LPA: variants seen among roughly 807,000 people sequenced by gnomAD.
The protein encoded by LPA is lipoprotein(a).
In LPA, 199 loss-of-function variants were observed where a neutral mutation model predicts 197.9. The ratio of observed to expected loss-of-function variants is 1.01; its 90% CI spans 0.90 to 1.13. The LOEUF (loss-of-function observed/expected upper bound fraction) is 1.13, where lower values mean the gene tolerates loss of function less well. LPA is among the 50% of genes most tolerant of loss of function. The pLI, the probability that LPA is intolerant of heterozygous loss-of-function variation, is 0.00. For synonymous variants in LPA, 715 were observed against 639.5 expected (o/e 1.12, Z -1.78); for missense variants, 1,853 against 1,785.8 (o/e 1.04, Z -0.68).
intron 33 of LPA, among the ~76,000 whole-genome samples, chr6:160,543,032 G>A (rs1481661372): frequency 6.6e-6 from 1 of 152,206 alleles, no homozygotes; most frequent in African/African-American, 2.4e-5. Flanking sequence ...TCTAAACCAT[G>A]TAAAGTTTAC....
chr6:160,634,932 C>A lies in LPA; in HGVS notation c.1075+191G>T, dbSNP rs1355874497. Among the ~76,000 whole-genome samples, 3 of 150,184 alleles carry A rather than the reference C, an allele frequency of 2.0e-5. 1 individual carries two copies. The highest frequency in any genetic ancestry group is 7.6e-5 in the African/African-American group (3 of 39,506). ...TTTGTGCCCATTCTAAAGACAAAGC[C>A]CACCCAAGTTGCACCAGAAATCACT... On this transcript the variant is annotated intron_variant, in intron 7 of 38. Transcript: ENST00000316300.
intron 1 of LPA, among the ~76,000 whole-genome samples, chr6:160,650,991 C>T (rs1178474332): frequency 6.6e-6 from 1 of 152,158 alleles, no homozygotes; most frequent in East Asian, 1.9e-4. Context: ...GCAGGCAAAG[C>T]CCTTCACTTC....
chr6:160,615,345 T>A (rs1447412032), intron 14 of LPA, among the ~76,000 whole-genome samples: 1 of 146,984 alleles, frequency 6.8e-6, no homozygotes, highest in Non-Finnish European at 1.5e-5. Context: ...ATGGGTGTGT[T>A]TTCAGTTTGT....
chr6:160,560,801 A>C (rs755304881), intron 28 of LPA, among the ~76,000 whole-genome samples: 1 of 151,942 alleles, frequency 6.6e-6, no homozygotes, highest in Non-Finnish European at 1.5e-5. Context: ...CTGATTTGTA[A>C]ATTTTGGCTT....
At chr6:160,657,082 T>G (rs1047220244) in intron 1 of LPA, among the ~76,000 whole-genome samples, 1 of 152,212 alleles carries the variant, frequency 6.6e-6, no homozygotes, top group Non-Finnish European at 1.5e-5. Flanking sequence ...ATTCCCATTG[T>G]ATTTAAATTT....
chr6:160,654,064 AT>A (rs1780081566), intron 1 of LPA, among the ~76,000 whole-genome samples: 1 of 27,480 alleles, frequency 3.6e-5, no homozygotes, highest in Non-Finnish European at 6.2e-5. Flanking sequence ...TATTATATAT[AT>A]TATATATAAT....
At position 160,574,941 on chromosome 6, in the gene LPA, G is replaced by C. The variant is rs111398110; in HGVS notation, c.4631+2195C>G. 1.1e-3 allele frequency among the ~76,000 whole-genome samples: 167 copies of C among 151,942 alleles called. 1 individual carries two copies. The highest frequency in any genetic ancestry group is 3.7e-3 in the African/African-American group (152 of 41,436). ...GTCTGCCACGATCCCTCACCTCTTGGGTTTTTCTTCTATTACTTTAAAGAT... is the reference window on the plus strand; with the variant it reads ...GTCTGCCACGATCCCTCACCTCTTGCGTTTTTCTTCTATTACTTTAAAGAT... On this transcript the variant is annotated intron_variant, in intron 28 of 38. Transcript: ENST00000316300.
intron 30 of LPA, among the ~76,000 whole-genome samples, chr6:160,551,048 T>TA (rs1356752325): frequency 6.6e-6 from 1 of 152,232 alleles, no homozygotes; most frequent in African/African-American, 2.4e-5. Flanking sequence ...GTGGGGTAAA[T>TA]ATTCACAAAC....
At chr6:160,653,886 A>G (rs1780048982) in intron 1 of LPA, among the ~76,000 whole-genome samples, 1 of 98,328 alleles carries the variant, frequency 1.0e-5, no homozygotes, top group Non-Finnish European at 2.1e-5. Context: ...AATGACATAA[A>G]TTGTATTAGT....
At position 160,605,040 on chromosome 6, in the gene LPA, AC is replaced by A. The variant is rs752170747; in HGVS notation, c.2945+5del. On this transcript the variant is annotated splice_donor_5th_base_variant and intron_variant, in intron 18 of 38. Coordinates refer to ENST00000316300, the MANE Select transcript of LPA (RefSeq NM_005577.4). The stretch of plus-strand genomic sequence containing the variant: ...CCTTCACTTATGGTAAAGAAAATAG[AC>A]ATACGCATTTGGGTAGTATGCTGGG... 6.2e-7 allele frequency: 1 copy of A among 1,613,516 alleles called. No individual in the cohort carries two copies. The highest frequency in any genetic ancestry group is 1.3e-5 in the African/African-American group (1 of 75,016).
intron 30 of LPA, among the ~76,000 whole-genome samples, chr6:160,551,941 T>G (rs1191522362): frequency 1.3e-5 from 2 of 149,886 alleles, no homozygotes; most frequent in African/African-American, 4.9e-5. Context: ...TGAGACAGTG[T>G]CTCATTCCAT....
intron 23 of LPA, among the ~76,000 whole-genome samples, chr6:160,590,450 G>A (rs1201299015): frequency 6.6e-6 from 1 of 152,094 alleles, no homozygotes. Flanking sequence ...GCATTTGCTG[G>A]CTATGTACTG....
chr6:160,562,136 G>T (rs1778372883), intron 28 of LPA, among the ~76,000 whole-genome samples: 1 of 152,160 alleles, frequency 6.6e-6, no homozygotes, highest in Admixed American at 6.6e-5. Flanking sequence ...GGGCATCCTT[G>T]TCTTGTGCTG....
At chr6:160,538,011 C>T in intron 36 of LPA, 50 bp from the exon 37 acceptor site, 1 of 1,514,418 alleles carries the variant, frequency 6.6e-7, no homozygotes, top group Non-Finnish European at 9.2e-7. Context: ...CTGGAAGTGG[C>T]AGTACCTACA....
chr6:160,611,211 T>A (rs183836119), intron 16 of LPA, among the ~76,000 whole-genome samples: 1 of 152,094 alleles, frequency 6.6e-6, no homozygotes, highest in African/African-American at 2.4e-5. Flanking sequence ...CCTTCAGGAA[T>A]TGGAAGTCAG....
intron 17 of LPA, among the ~76,000 whole-genome samples, chr6:160,605,483 A>G (rs6932014): frequency 0.41 from 62,673 of 152,074 alleles, 13,384 homozygotes; most frequent in African/African-American, 0.53. Flanking sequence ...AAAAAGGACA[A>G]ATGAGAGGGC....
chr6:160,546,907 T>C (rs533896132), intron 32 of LPA, among the ~76,000 whole-genome samples: 34 of 152,284 alleles, frequency 2.2e-4, no homozygotes, highest in Middle Eastern at 3.4e-3. Flanking sequence ...GGAAGTCTCA[T>C]GGTGACCTGA....
At position 160,601,249 on chromosome 6, in the gene LPA, C is replaced by A. The variant is rs1170637106; in HGVS notation, c.2946-151G>T. 5.8e-6 allele frequency: 4 copies of A among 692,894 alleles called. No individual in the cohort carries two copies. The South Asian group carries it at 6.7e-5, about 12-fold the overall frequency. 42.9% of individuals were successfully genotyped at this position (692,894 alleles called of 1,614,324 possible). ...GCCACAATGACAAATGGCTCTCAAT[C>A]TCTAATCCTCTCTGCACATTTCTCA... On this transcript the variant is annotated intron_variant, in intron 18 of 38. Coordinates refer to ENST00000316300, the MANE Select transcript of LPA (RefSeq NM_005577.4).
Position 160,546,244 on chromosome 6 carries a change from C to T in LPA, c.5305-711G>A, listed in dbSNP as rs1012591056. 7.2e-5 allele frequency among the ~76,000 whole-genome samples: 11 copies of T among 152,124 alleles called. 1 individual carries two copies. The highest frequency in any genetic ancestry group is 2.4e-4 in the African/African-American group (10 of 41,436). On this transcript the variant is annotated intron_variant, in intron 32 of 38. Transcript: ENST00000316300. ...GAGGGGCCGAAGGTGAGCCGATCAC[C>T]GATGGCCAATGATGTAATCAACTGT...
Sources: gnomAD v4.1 joint callset for allele counts (sites outside exome capture counted in the v4.1 genomes callset) on GRCh38, gnomAD v4.1.1 for gene constraint, MANE v1.5 for transcripts, NCBI Gene and HGNC (gene_info 2026-07-23, HGNC 2026-07-21) for gene names.